The following TSC22D1 variants were observed in gnomAD, a reference collection of about 807,000 sequenced individuals.
TSC22D1 encodes the protein TSC22 domain family member 1.
In TSC22D1, 9 loss-of-function variants were observed where a neutral mutation model predicts 74.2. The observed-to-expected ratio is 0.12, with a 90% CI of 0.07 to 0.21. TSC22D1 has a LOEUF of 0.21. Among genes scored for constraint, TSC22D1 ranks in the 10% least tolerant of loss-of-function variants. The probability of loss-of-function intolerance (pLI) is 1.00; values close to 1 mark genes in which losing one functional copy is unlikely to be tolerated. For missense variants in TSC22D1, 1,427 were observed against 1,304.7 expected (o/e 1.09, Z -1.44); for synonymous variants, 586 against 492.5 (o/e 1.19, Z -2.51).
chr13:44,452,123 T>G (rs781054018), intron 1 of TSC22D1, among the ~76,000 whole-genome samples: 11 of 152,114 alleles, frequency 7.2e-5, no homozygotes, highest in Non-Finnish European at 1.5e-4. Context: ...AAACACGATA[T>G]AAAGCTATCA....
chr13:44,460,056 G>T (rs1876915338), intron 1 of TSC22D1, among the ~76,000 whole-genome samples: 1 of 152,170 alleles, frequency 6.6e-6, no homozygotes, highest in Non-Finnish European at 1.5e-5. Context: ...AGCCACAGAG[G>T]TTTCTGGCTG....
intron 1 of TSC22D1, chr13:44,536,709 C>T: frequency 1.0e-6 from 1 of 978,384 alleles, no homozygotes; most frequent in Non-Finnish European, 1.2e-6. Context: ...GGTCAAATTA[C>T]TCTTGATATT....
chr13:44,555,371 G>A (rs2138172184), intron 1 of TSC22D1, among the ~76,000 whole-genome samples: 1 of 152,164 alleles, frequency 6.6e-6, no homozygotes, highest in East Asian at 1.9e-4. Flanking sequence ...CACTTTGGGA[G>A]GCCAAGGAGG....
chr13:44,559,242 G>GCT (rs1294759124), intron 1 of TSC22D1, among the ~76,000 whole-genome samples: 1 of 152,030 alleles, frequency 6.6e-6, no homozygotes, highest in African/African-American at 2.4e-5. Flanking sequence ...CCTAAGCAGT[G>GCT]GACAGTCTAT....
intron 1 of TSC22D1, among the ~76,000 whole-genome samples, chr13:44,509,956 A>AAAAAAAAAAAAAAAAAT (rs1879628801): frequency 6.7e-6 from 1 of 148,912 alleles, no homozygotes; most frequent in Non-Finnish European, 1.5e-5. Flanking sequence ...TAAGCAAAAA[A>AAAAAAAAAAAAAAAAAT]AAAAAAAAAA....
intron 1 of TSC22D1, among the ~76,000 whole-genome samples, chr13:44,532,732 C>T (rs554324905): frequency 6.6e-6 from 1 of 152,268 alleles, no homozygotes; most frequent in Admixed American, 6.5e-5. Context: ...CTCAGCCTCC[C>T]GAAGTGCTGG....
At chr13:44,568,248 A>T (rs775656554) in intron 1 of TSC22D1, among the ~76,000 whole-genome samples, 1 of 152,190 alleles carries the variant, frequency 6.6e-6, no homozygotes, top group East Asian at 1.9e-4. Flanking sequence ...CCAGAATAAT[A>T]GTTGTGTACC....
intron 1 of TSC22D1, among the ~76,000 whole-genome samples, chr13:44,555,331 G>A (rs557183554): frequency 7.6e-4 from 116 of 152,126 alleles, no homozygotes; most frequent in Non-Finnish European, 1.1e-3. Flanking sequence ...TACGTAGGTC[G>A]GGCGTGGTGC....
In TSC22D1 at chr13:44,550,556, T is replaced by A. The variant is rs184767616; in HGVS notation, c.2912+22607A>T. On this transcript the variant is annotated intron_variant, in intron 1 of 2. Coordinates refer to ENST00000458659, the MANE Select transcript of TSC22D1 (RefSeq NM_183422.4). ...GAGATTGCACCATTGCACTCCAGCC[T>A]GGGCAACAAGAGTGAAACTCTGTCT... Among the ~76,000 whole-genome samples, 682 of 143,434 alleles carry A rather than the reference T, an allele frequency of 4.8e-3. 2 individuals are homozygous for A. The highest frequency in any genetic ancestry group is 9.1e-3 in the Admixed American group (124 of 13,624). The allele number at this position is 143,434 out of a possible 152,430, so 94.1% of individuals were successfully genotyped here. A position where few individuals can be genotyped will look rare whatever the true frequency, so the allele number is the denominator to read the frequency against.
At chr13:44,537,289 T>C in intron 1 of TSC22D1, 2 of 974,130 alleles carry the variant, frequency 2.1e-6, no homozygotes, top group Non-Finnish European at 2.4e-6. Context: ...AAAGTTTAAA[T>C]AAACAAATCA....
intron 1 of TSC22D1, among the ~76,000 whole-genome samples, chr13:44,457,210 A>C (rs566058093): frequency 6.6e-6 from 1 of 152,240 alleles, no homozygotes; most frequent in Non-Finnish European, 1.5e-5. Flanking sequence ...GGAAAACGCA[A>C]ACAGCACATA....
Position 44,446,016 on chromosome 13 carries a change from C to A in TSC22D1, c.2913-9921G>T, listed in dbSNP as rs201629570. Among the ~76,000 whole-genome samples, 16 of 152,220 alleles carry A rather than the reference C, an allele frequency of 1.1e-4. No individual in the cohort carries two copies. The South Asian group carries it at 2.5e-3, about 24-fold the overall frequency. ...CAGAGTTTCCATAAAAACCAGTAAT[C>A]CCAATTCAAGTTATTTATCCAAGAA... On this transcript the variant is annotated intron_variant, in intron 1 of 2. Coordinates refer to ENST00000458659, the MANE Select transcript of TSC22D1 (RefSeq NM_183422.4).
chr13:44,469,217 A>G lies in TSC22D1; in HGVS notation c.2913-33122T>C, dbSNP rs147659176. ...CTTTATAACCAGGCATTCAAGATCT[A>G]TAAGTACCCACCGCCTACCCATCTC... is the stretch of plus-strand genomic sequence containing the variant. On this transcript the variant is annotated intron_variant, in intron 1 of 2. Transcript: ENST00000458659. Among the ~76,000 whole-genome samples, 637 of 152,316 alleles carry G rather than the reference A, an allele frequency of 4.2e-3. 3 individuals are homozygous for G. Among genetic ancestry groups the G allele is most frequent in the African/African-American group, 0.015 (615 of 41,568 alleles).
intron 1 of TSC22D1, among the ~76,000 whole-genome samples, chr13:44,560,149 G>C (rs1050898823): frequency 2.4e-4 from 36 of 151,906 alleles, no homozygotes; most frequent in African/African-American, 8.7e-4. Flanking sequence ...TGGTAATCAG[G>C]CCAGGCACAG....
intron 1 of TSC22D1, among the ~76,000 whole-genome samples, chr13:44,560,574 T>C (rs1410656004): frequency 1.3e-5 from 2 of 152,190 alleles, no homozygotes; most frequent in Non-Finnish European, 1.5e-5. Context: ...GTTAAGAATG[T>C]CTTAGAGAAT....
chr13:44,467,119 G>A (rs1259439487), intron 1 of TSC22D1, among the ~76,000 whole-genome samples: 6 of 151,450 alleles, frequency 4.0e-5, no homozygotes, highest in Admixed American at 2.0e-4. Context: ...CCAAGATCAC[G>A]CCACTGTACT....
chr13:44,435,099 T>C, intron 2 of TSC22D1: 1 of 505,912 alleles, frequency 2.0e-6, no homozygotes, highest in Non-Finnish European at 3.4e-6. Context: ...AGTCTGTGCT[T>C]CTCTGCAGAC....
chr13:44,453,490 GTATT>G (rs1169479696), intron 1 of TSC22D1, among the ~76,000 whole-genome samples: 2 of 152,182 alleles, frequency 1.3e-5, no homozygotes, highest in African/African-American at 2.4e-5. Context: ...ATCTTTATAT[GTATT>G]TATTACTTGA....
chr13:44,568,417 TA>T (rs1010298984), intron 1 of TSC22D1, among the ~76,000 whole-genome samples: 1 of 151,368 alleles, frequency 6.6e-6, no homozygotes, highest in Non-Finnish European at 1.5e-5. Context: ...GGCAAAGAGG[TA>T]AAAAAAGACA....
Sources: gnomAD v4.1 joint callset for allele counts (sites outside exome capture counted in the v4.1 genomes callset) on GRCh38, gnomAD v4.1.1 for gene constraint, MANE v1.5 for transcripts, NCBI Gene and HGNC (gene_info 2026-07-23, HGNC 2026-07-21) for gene names.